Variants in TPH1 observed in about 807,000 individuals in gnomAD.
The protein encoded by TPH1 is tryptophan 5-hydroxylase 1.
TPH1 carries 37 observed loss-of-function variants against 49.5 expected under a neutral mutation model. The ratio of observed to expected loss-of-function variants is 0.75; its 90% CI spans 0.58 to 0.98. TPH1 has a LOEUF of 0.98. TPH1 is among the 50% of genes least tolerant of loss of function. The pLI, the probability that TPH1 is intolerant of heterozygous loss-of-function variation, is 0.00. For missense variants in TPH1, 487 were observed against 523.6 expected (o/e 0.93, Z 0.68); for synonymous variants, 160 against 182.1 (o/e 0.88, Z 0.98).
chr11:18,028,735 G>T (rs1385920500), intron 6 of TPH1, among the ~76,000 whole-genome samples: 1 of 152,126 alleles, frequency 6.6e-6, no homozygotes, highest in Non-Finnish European at 1.5e-5. Context: ...GGAAAATTCT[G>T]ACCTCCCATA....
At chr11:18,045,046 C>T (rs185532510) in intron 1 of TPH1, among the ~76,000 whole-genome samples, 4 of 152,198 alleles carry the variant, frequency 2.6e-5, no homozygotes, top group Admixed American at 1.3e-4. Context: ...GAGGTCAAGG[C>T]GTATACAATG....
At chr11:18,022,302 C>A (rs529163791) in intron 10 of TPH1, among the ~76,000 whole-genome samples, 2 of 152,336 alleles carry the variant, frequency 1.3e-5, no homozygotes, top group Admixed American at 6.5e-5. Context: ...GTACATATCT[C>A]CTATATTTCT....
rs374862899 is a variant in TPH1 at position 18,024,015 on chromosome 11, A to G, written c.931-32T>C. ...AAGAACATCAATATTATTCTCACAC[A>G]CTGACGAATTCAACTTAAAACAAAT... On this transcript the variant is annotated intron_variant, in intron 8 of 10. Coordinates refer to ENST00000682019, the MANE Select transcript of TPH1 (RefSeq NM_004179.3). The G allele has an allele frequency of 3.8e-4, 567 of 1,491,108 alleles. 7 individuals are homozygous for G. In the Middle Eastern group the frequency reaches 3.9e-3, roughly 10 times the overall value. The allele number at this position is 1,491,108 out of a possible 1,614,324, so 92.4% of individuals were successfully genotyped here. A position where few individuals can be genotyped will look rare whatever the true frequency, so the allele number is the denominator to read the frequency against.
intron 1 of TPH1, 158 bp from the exon 2 acceptor site, chr11:18,040,946 C>T (rs1158823770): frequency 3.3e-6 from 2 of 599,530 alleles, no homozygotes; most frequent in African/African-American, 3.8e-5. Flanking sequence ...CTAGTGAGAC[C>T]AAAATAAGAT....
intron 2 of TPH1, among the ~76,000 whole-genome samples, chr11:18,039,659 C>T (rs138743323): frequency 6.6e-4 from 101 of 152,246 alleles, no homozygotes; most frequent in African/African-American, 2.4e-3. Context: ...TATTCACTTA[C>T]TGCAGTTGTT....
At position 18,017,871 on chromosome 11, in the gene TPH1, G is replaced by A. The variant is rs1854312749; in HGVS notation, c.*3120C>T. ...GTAGGTATTCTGAAGACCAGCTTTT[G>A]AGCATCCTTAAGAAGTCATGAAGAT... On this transcript the variant is annotated 3_prime_UTR_variant, in exon 11 of 11. Transcript: ENST00000682019. 2 of 152,168 alleles carry A rather than the reference G, an allele frequency of 1.3e-5. No individual in the cohort carries two copies. The highest frequency in any genetic ancestry group is 1.5e-5 in the Non-Finnish European group (1 of 68,036). The allele number at this position is 152,168 out of a possible 1,614,324, so 9.4% of individuals were successfully genotyped here. A position where few individuals can be genotyped will look rare whatever the true frequency, so the allele number is the denominator to read the frequency against.
At chr11:18,024,124 C>A in intron 8 of TPH1, 141 bp from the exon 9 acceptor site, 1 of 707,988 alleles carries the variant, frequency 1.4e-6, no homozygotes, top group South Asian at 1.5e-5. Flanking sequence ...TACAATCTGA[C>A]CTCATTCTAA....
rs142680667 is a variant in TPH1 at position 18,044,542 on chromosome 11, T to TCC, written c.-27+1697_-27+1698dup. On this transcript the variant is annotated intron_variant, in intron 1 of 10. Transcript: ENST00000682019. The stretch of plus-strand genomic sequence containing the variant: ...AGAAAATTCTCACCCTCTTTTTTGT[T>TCC]CCCCCCCACCCCAAAATAATCTTAC... Among the ~76,000 whole-genome samples, 8 of 151,730 alleles carry TCC rather than the reference T, an allele frequency of 5.3e-5. 1 individual carries two copies. Among genetic ancestry groups the TCC allele is most frequent in the African/African-American group, 1.7e-4 (7 of 41,310 alleles).
intron 8 of TPH1, 95 bp from the exon 9 acceptor site, chr11:18,024,078 A>G (rs1854394420): frequency 1.1e-6 from 1 of 922,496 alleles, no homozygotes; most frequent in Non-Finnish European, 1.7e-6. Flanking sequence ...ACCCTAGAAT[A>G]AAGTCCAAAA....
intron 10 of TPH1, 120 bp from the exon 11 acceptor site, chr11:18,021,285 AC>A: frequency 1.0e-6 from 1 of 962,372 alleles, no homozygotes; most frequent in South Asian, 1.4e-5. Flanking sequence ...AGATATGTGT[AC>A]AACCAATCTG....
In TPH1 at chr11:18,019,865, T is replaced by C. The variant is rs1250761002; in HGVS notation, c.*1126A>G. 2.5e-6 allele frequency: 1 copy of C among 398,202 alleles called. No homozygotes were observed. Among genetic ancestry groups the C allele is most frequent in the Non-Finnish European group, 5.0e-6 (1 of 200,504 alleles). The allele number at this position is 398,202 out of a possible 1,614,324, so 24.7% of individuals were successfully genotyped here. A position where few individuals can be genotyped will look rare whatever the true frequency, so the allele number is the denominator to read the frequency against. On this transcript the variant is annotated 3_prime_UTR_variant, in exon 11 of 11. Transcript: ENST00000682019. Reference sequence around the variant, plus strand: ...CTGACTCTGCATAAAAACCATTCCTTGGCAATCCTTACATTACTTACAGTC... The same window carrying C: ...CTGACTCTGCATAAAAACCATTCCTCGGCAATCCTTACATTACTTACAGTC...
intron 1 of TPH1, chr11:18,042,433 C>A: frequency 2.4e-6 from 1 of 411,636 alleles, no homozygotes; most frequent in Admixed American, 3.1e-5. Context: ...TGTCCTAAAG[C>A]GTGAAAATGT....
rs1458748682 is a variant in TPH1 at position 18,020,478 on chromosome 11, G to C, written c.*513C>G. 1 of 161,992 alleles carries C rather than the reference G, an allele frequency of 6.2e-6. No homozygotes were observed. Among genetic ancestry groups the C allele is most frequent in the African/African-American group, 2.4e-5 (1 of 41,496 alleles). The allele number at this position is 161,992 out of a possible 1,614,324, so 10.0% of individuals were successfully genotyped here. A position where few individuals can be genotyped will look rare whatever the true frequency, so the allele number is the denominator to read the frequency against. ...TACTTTTGCTCATGCTAGCAACAAA[G>C]ACAGCAGGGTCTCCTGTTAAATTTT... On this transcript the variant is annotated 3_prime_UTR_variant, in exon 11 of 11. Coordinates refer to ENST00000682019, the MANE Select transcript of TPH1 (RefSeq NM_004179.3).
intron 2 of TPH1, among the ~76,000 whole-genome samples, chr11:18,036,632 CCTCTT>C (rs1378932835): frequency 6.6e-6 from 1 of 152,172 alleles, no homozygotes; most frequent in Non-Finnish European, 1.5e-5. Flanking sequence ...AACCAGATCT[CCTCTT>C]CTGACCTCTC....
chr11:18,029,407 A>C, intron 5 of TPH1, 46 bp from the exon 6 acceptor site: 1 of 1,578,828 alleles, frequency 6.3e-7, no homozygotes, highest in South Asian at 1.1e-5. Context: ...GCATTTAATA[A>C]ATAGTGGCAC....
intron 1 of TPH1, among the ~76,000 whole-genome samples, chr11:18,041,570 A>G (rs2134035802): frequency 6.6e-6 from 1 of 152,340 alleles, no homozygotes. Context: ...TTAAAACATC[A>G]TAACATGGCG....
At position 18,029,204 on chromosome 11, in the gene TPH1, T is replaced by C. The variant is rs761784868; in HGVS notation, c.628A>G (p.Asn210Asp). The change falls in exon 6 of 11, where the codon AAT (asparagine) becomes GAT (aspartate). Residue 210 changes from asparagine to aspartate, a missense_variant. Asn to Asp is a conservative substitution (Grantham distance 23). Transcript: ENST00000682019. ...LSKYCGYRED[N>D]IPQLEDVSNF... Reference sequence around the variant, plus strand: ...GAGACATCTTCCAATTGTGGGATATTATCCTCCCGATATCCACAATATTTA... The same window carrying C: ...GAGACATCTTCCAATTGTGGGATATCATCCTCCCGATATCCACAATATTTA... The C allele has an allele frequency of 2.5e-6, 4 of 1,613,942 alleles. No homozygotes were observed. The highest frequency in any genetic ancestry group is 3.3e-5 in the Admixed American group (2 of 60,024).
chr11:18,019,805 T>C lies in TPH1; in HGVS notation c.*1186A>G, dbSNP rs1468201633. 2 of 453,950 alleles carry C rather than the reference T, an allele frequency of 4.4e-6. No individual in the cohort carries two copies. Among genetic ancestry groups the C allele is most frequent in the Non-Finnish European group, 4.4e-6 (1 of 225,794 alleles). The allele number at this position is 453,950 out of a possible 1,614,324, so 28.1% of individuals were successfully genotyped here. On this transcript the variant is annotated 3_prime_UTR_variant, in exon 11 of 11. Transcript: ENST00000682019. ...TATTTTGGAGTTCAGCTTCACCCAT[T>C]TATAACAGGACTGCTTACTCCCTGT...
At position 18,022,792 on chromosome 11, in the gene TPH1, C is replaced by T. The variant is rs1475615310; in HGVS notation, c.1160+6G>A. On this transcript the variant is annotated splice_donor_region_variant and intron_variant, in intron 10 of 10. Transcript: ENST00000682019. ...AAAATGAAGGCGTGAAGAAGATATA[C>T]TGTACCTCATCTTCTCCTTTGCATC... 6.2e-7 allele frequency: 1 copy of T among 1,612,606 alleles called. No homozygotes were observed. Among genetic ancestry groups the T allele is most frequent in the East Asian group, 2.2e-5 (1 of 44,854 alleles).
Sources: gnomAD v4.1 joint callset for allele counts (sites outside exome capture counted in the v4.1 genomes callset) on GRCh38, gnomAD v4.1.1 for gene constraint, MANE v1.5 for transcripts, NCBI Gene and HGNC (gene_info 2026-07-23, HGNC 2026-07-21) for gene names.